Variants in FSCN2 observed in about 807,000 individuals in gnomAD.
The protein encoded by FSCN2 is fascin-2.
In FSCN2, 46 loss-of-function variants were observed where a neutral mutation model predicts 37.8. That is an observed-to-expected ratio of 1.22 (90% CI 0.96 to 1.56). The LOEUF is 1.56. Among genes scored for constraint, FSCN2 ranks in the 40% most tolerant of loss-of-function variants. The pLI, the probability that FSCN2 is intolerant of heterozygous loss-of-function variation, is 0.00. For missense variants in FSCN2, 844 were observed against 730.4 expected, an observed-to-expected ratio of 1.16 and a Z score of -1.79; for synonymous variants, 351 against 309.4, an observed-to-expected ratio of 1.13 and a Z score of -1.41.
At position 81,536,218 on chromosome 17, in the gene FSCN2, C is replaced by T. The variant is rs367827022; in HGVS notation, c.1056C>T (p.Tyr352=). The change falls in exon 3 of 5, where the codon TAC becomes TAT. Residue 352 remains tyrosine, a synonymous_variant. Transcript: ENST00000417245. ...CACTCAAAGCCAGCAACGGGCGCTACGTGTGCATGAAGAAGAATGGGCAGC... is the reference window on the plus strand; with the variant it reads ...CACTCAAAGCCAGCAACGGGCGCTATGTGTGCATGAAGAAGAATGGGCAGC... ...RVALKASNGR[Y]VCMKKNGQLA... The T allele has an allele frequency of 2.6e-5, 41 of 1,601,084 alleles. No individual in the cohort carries two copies. Among genetic ancestry groups the T allele is most frequent in the African/African-American group, 4.0e-5 (3 of 74,674 alleles).
At chr17:81,516,495 T>A in the FSCN2 span, among the ~76,000 whole-genome samples, 1 of 152,354 alleles carries the variant, frequency 6.6e-6, no homozygotes, top group African/African-American at 2.4e-5. Flanking sequence ...GTGATGGCCC[T>A]GTTTCCTGAA....
the FSCN2 span, among the ~76,000 whole-genome samples, chr17:81,515,376 G>A: frequency 1.6e-3 from 248 of 152,336 alleles, 1 homozygote; most frequent in South Asian, 3.1e-3. Context: ...CTCCGGAGCC[G>A]GGAGAGTCGG....
the FSCN2 span, among the ~76,000 whole-genome samples, chr17:81,520,240 A>T: frequency 6.6e-6 from 1 of 152,074 alleles, no homozygotes; most frequent in Non-Finnish European, 1.5e-5. Context: ...GGACACAGGA[A>T]GGCCTAGGGG....
In FSCN2 at chr17:81,531,097, G is replaced by A. The variant is rs72854483; in HGVS notation, c.826+1740G>A. ...ATTGTGGTGTGATGTGCATGGTGGC[G>A]TGGAAGTGGAGGTGAGGACGGTGGT... On this transcript the variant is annotated intron_variant, in intron 1 of 4. Coordinates refer to ENST00000417245, the MANE Select transcript of FSCN2 (RefSeq NM_012418.4). Among the ~76,000 whole-genome samples the A allele has an allele frequency of 6.7e-3, 1,012 of 152,098 alleles. 6 individuals are homozygous for A. The highest frequency in any genetic ancestry group is 0.011 in the Non-Finnish European group (778 of 67,984).
At chr17:81,522,142 G>A in the FSCN2 span, among the ~76,000 whole-genome samples, 1 of 152,094 alleles carries the variant, frequency 6.6e-6, no homozygotes, top group Non-Finnish European at 1.5e-5. Flanking sequence ...GAGTAGCTGG[G>A]ATTACAGGCG....
intron 1 of FSCN2, among the ~76,000 whole-genome samples, chr17:81,532,403 A>AGTGATG (rs1318880343): frequency 5.8e-5 from 3 of 52,152 alleles, no homozygotes; most frequent in African/African-American, 2.0e-4. Flanking sequence ...TGGTGATGAT[A>AGTGATG]GTGATGGTGA....
At chr17:81,534,657 C>T (rs2032792729) in intron 1 of FSCN2, among the ~76,000 whole-genome samples, 1 of 151,906 alleles carries the variant, frequency 6.6e-6, no homozygotes, top group South Asian at 2.1e-4. Context: ...CCATCCCCTT[C>T]ATTAGGTCCT....
rs782769404 is a variant in FSCN2, at chr17:81,529,106, G to A, written c.575G>A (p.Arg192His). ...RRYCLKSCDS[R>H]YLRSDGRLVW... ...TACTGCCTCAAGTCCTGTGACAGCC[G>A]CTACCTGCGCAGCGACGGCCGTCTG... Residue 192 changes from arginine to histidine, a missense_variant, in exon 1 of 5, where the codon CGC (arginine) becomes CAC (histidine). Arg to His is a conservative substitution (Grantham distance 29). Coordinates refer to ENST00000417245, the MANE Select transcript of FSCN2 (RefSeq NM_012418.4). The A allele has an allele frequency of 1.2e-5, 19 of 1,586,568 alleles. No individual in the cohort carries two copies. Among genetic ancestry groups the A allele is most frequent in the South Asian group, 3.4e-5 (3 of 87,112 alleles).
chr17:81,530,747 A>C, intron 1 of FSCN2: 1 of 373,478 alleles, frequency 2.7e-6, no homozygotes, highest in Admixed American at 3.8e-5. Context: ...AGGGGAGCCC[A>C]GCCATGGCTA....
At chr17:81,535,248 C>G in intron 2 of FSCN2, 40 bp downstream of exon 2, 1 of 1,420,916 alleles carries the variant, frequency 7.0e-7, no homozygotes, top group Non-Finnish European at 9.5e-7. Flanking sequence ...CATCCCCATC[C>G]CCACCATCAC....
rs1420481259 is a variant in FSCN2 at position 81,529,146 on chromosome 17, G to T, written c.615G>T (p.Glu205Asp). ...ACGGCCGTCTGGTCTGGGAGCCTGA[G>T]CCCCGTGCCTGCTACACGCTGGAGT... ...RSDGRLVWEP[E>D]PRACYTLEFK... The change falls in exon 1 of 5, where the codon GAG becomes GAT. Residue 205 changes from glutamate (E) to aspartate (D), a missense_variant. Transcript: ENST00000417245. The T allele has an allele frequency of 1.3e-6, 2 of 1,584,990 alleles. No individual in the cohort carries two copies. The highest frequency in any genetic ancestry group is 1.7e-6 in the Non-Finnish European group (2 of 1,167,118).
At chr17:81,532,481 GATA>G (rs2032717825) in intron 1 of FSCN2, among the ~76,000 whole-genome samples, 3 of 123,406 alleles carry the variant, frequency 2.4e-5, no homozygotes, top group African/African-American at 9.4e-5. Flanking sequence ...TGGTGGTGAT[GATA>G]GTGATGGTGA....
intron 4 of FSCN2, 27 bp from the exon 5 acceptor site, chr17:81,536,848 C>T (rs2032899043): frequency 1.3e-6 from 2 of 1,552,036 alleles, no homozygotes; most frequent in Non-Finnish European, 1.7e-6. Context: ...AGGTGGGCAC[C>T]CCCGCCGACG....
rs2032417495 is a variant in FSCN2, at chr17:81,528,390, A to G, written c.-142A>G. 1.5e-6 allele frequency: 1 copy of G among 648,732 alleles called. No homozygotes were observed. Among genetic ancestry groups the G allele is most frequent in the East Asian group, 2.7e-5 (1 of 36,410 alleles). The allele number at this position is 648,732 out of a possible 1,614,324, so 40.2% of individuals were successfully genotyped here. ...CTGCCGCGGGTCAGAGGCGGGTCAG[A>G]GCAGGCAGGGGGTTCGTGACGCCGG... is the stretch of plus-strand genomic sequence containing the variant. On this transcript the variant is annotated 5_prime_UTR_variant, in exon 1 of 5. Coordinates refer to ENST00000417245, the MANE Select transcript of FSCN2 (RefSeq NM_012418.4).
chr17:81,529,141 C>A lies in FSCN2; in HGVS notation c.610C>A (p.Pro204Thr). The A allele has an allele frequency of 1.3e-6, 2 of 1,584,456 alleles. No individual in the cohort carries two copies. The highest frequency in any genetic ancestry group is 1.7e-6 in the Non-Finnish European group (2 of 1,166,872). The change falls in exon 1 of 5, where the codon CCT becomes ACT. Residue 204 changes from proline to threonine, a missense_variant. Physicochemically the swap from Pro to Thr is conservative, Grantham distance 38. Transcript: ENST00000417245. ...CAGCGACGGCCGTCTGGTCTGGGAG[C>A]CTGAGCCCCGTGCCTGCTACACGCT... Reference protein sequence around the residue: ...LRSDGRLVWEPEPRACYTLEF... With the variant: ...LRSDGRLVWETEPRACYTLEF...
At chr17:81,531,357 A>ATGG (rs2032570714) in intron 1 of FSCN2, among the ~76,000 whole-genome samples, 1 of 94,132 alleles carries the variant, frequency 1.1e-5, no homozygotes, top group African/African-American at 4.9e-5. Flanking sequence ...GATGATGGTG[A>ATGG]TGGTGATGAT....
rs747701793 is a variant in FSCN2 at position 81,536,545 on chromosome 17, C to G, written c.1106-77C>G. Reference sequence around the variant, plus strand: ...GTCCCTAAGTCCAGGTGTGGCGTTTCCCAGGGCCCCCACCCCGCCCGGCCT... The same window carrying G: ...GTCCCTAAGTCCAGGTGTGGCGTTTGCCAGGGCCCCCACCCCGCCCGGCCT... On this transcript the variant is annotated intron_variant, in intron 3 of 4. Transcript: ENST00000417245. 2.2e-5 allele frequency: 35 copies of G among 1,578,518 alleles called. No individual in the cohort carries two copies. Among genetic ancestry groups the G allele is most frequent in the Non-Finnish European group, 3.0e-5 (35 of 1,169,054 alleles).
intron 1 of FSCN2, chr17:81,530,535 G>A (rs1449623931): frequency 1.7e-5 from 8 of 467,876 alleles, no homozygotes; most frequent in Middle Eastern, 3.3e-4. Flanking sequence ...CTGAAAAGGC[G>A]AGGTGGGGAG....
intron 1 of FSCN2, chr17:81,529,598 G>A (rs1380191868): frequency 8.1e-6 from 6 of 741,930 alleles, no homozygotes; most frequent in African/African-American, 3.4e-5. Flanking sequence ...AAGGGTTCCT[G>A]GCCTTTCTCA....
Sources: allele counts gnomAD v4.1 joint callset (sites outside exome capture counted in the v4.1 genomes callset), GRCh38; gene constraint gnomAD v4.1.1; transcripts MANE v1.5; gene names NCBI Gene and HGNC (gene_info 2026-07-23, HGNC 2026-07-21).